The following CACNA1D variants were observed in gnomAD, a reference collection of about 807,000 sequenced individuals.
The protein encoded by CACNA1D is calcium voltage-gated channel subunit alpha1 D.
In CACNA1D, 55 loss-of-function variants were observed where a neutral mutation model predicts 257.1. The ratio of observed to expected loss-of-function variants is 0.21; its 90% CI spans 0.17 to 0.27. The LOEUF (loss-of-function observed/expected upper bound fraction) is 0.27, where lower values mean the gene tolerates loss of function less well. Ranked by LOEUF, CACNA1D falls within the 10% of genes least tolerant of loss-of-function variation. CACNA1D has a pLI of 1.00. For missense variants in CACNA1D, 1,876 were observed against 2,784.0 expected (o/e 0.67, Z 7.34); for synonymous variants, 980 against 1,014.9 (o/e 0.97, Z 0.65).
At chr3:53,601,971 A>G (rs1318570939) in intron 3 of CACNA1D, among the ~76,000 whole-genome samples, 2 of 152,136 alleles carry the variant, frequency 1.3e-5, no homozygotes, top group East Asian at 3.9e-4. Context: ...TCAGCCTCCC[A>G]AAGTGCTGGG....
At chr3:53,644,308 TA>T (rs2093996197) in intron 3 of CACNA1D, among the ~76,000 whole-genome samples, 1 of 152,246 alleles carries the variant, frequency 6.6e-6, no homozygotes, top group Non-Finnish European at 1.5e-5. Context: ...CTCACATGCT[TA>T]TTTTTTTGTG....
intron 40 of CACNA1D, among the ~76,000 whole-genome samples, chr3:53,787,459 A>ATG (rs57163025): frequency 2.5e-5 from 2 of 79,548 alleles, no homozygotes; most frequent in Admixed American, 1.4e-4. Context: ...GTGTGTATGT[A>ATG]TGTATGTGTG....
intron 9 of CACNA1D, among the ~76,000 whole-genome samples, chr3:53,713,456 G>A (rs1017737984): frequency 2.0e-5 from 3 of 151,742 alleles, no homozygotes; most frequent in Non-Finnish European, 4.4e-5. Context: ...ATAATTTTGA[G>A]GCTGCCTGCT....
chr3:53,520,299 A>G (rs893299191), intron 3 of CACNA1D, among the ~76,000 whole-genome samples: 1 of 152,140 alleles, frequency 6.6e-6, no homozygotes, highest in Non-Finnish European at 1.5e-5. Flanking sequence ...CTTTGCTAAC[A>G]CTTGTTATTG....
chr3:53,663,192 C>T (rs969706608), intron 5 of CACNA1D, among the ~76,000 whole-genome samples: 20 of 152,176 alleles, frequency 1.3e-4, no homozygotes, highest in African/African-American at 4.3e-4. Context: ...CTGCTTATCA[C>T]GGTAAAGATT....
intron 3 of CACNA1D, among the ~76,000 whole-genome samples, chr3:53,606,335 C>T (rs1032766426): frequency 1.3e-5 from 2 of 152,226 alleles, no homozygotes; most frequent in African/African-American, 2.4e-5. Context: ...GAGGCCATGT[C>T]AGTTACGATT....
At chr3:53,532,002 T>C (rs1046297095) in intron 3 of CACNA1D, among the ~76,000 whole-genome samples, 1 of 152,178 alleles carries the variant, frequency 6.6e-6, no homozygotes, top group Non-Finnish European at 1.5e-5. Flanking sequence ...TTGCATATCA[T>C]AGATACTCAG....
At chr3:53,664,223 C>T (rs901061701) in intron 5 of CACNA1D, among the ~76,000 whole-genome samples, 1 of 152,178 alleles carries the variant, frequency 6.6e-6, no homozygotes, top group Non-Finnish European at 1.5e-5. Flanking sequence ...TCCTGGAGAA[C>T]CTCCCTTTGG....
rs1559523454 is a variant in CACNA1D at position 53,691,906 on chromosome 3, T to TATAATATATATTATATATATTACA, written c.1221-10735_1221-10734insATAATATATATTATATATATTACA. ...ATATATATTATATATATTACATATA[T>TATAATATATATTATATATATTACA]TATATATAATATATATTATATATAT... is the stretch of plus-strand genomic sequence containing the variant. On this transcript the variant is annotated intron_variant, in intron 8 of 47. Coordinates refer to ENST00000350061, the MANE Select transcript of CACNA1D (RefSeq NM_001128840.3). 1.9e-3 allele frequency among the ~76,000 whole-genome samples: 99 copies of TATAATATATATTATATATATTACA among 52,380 alleles called. 1 individual carries two copies. Among genetic ancestry groups the TATAATATATATTATATATATTACA allele is most frequent in the East Asian group, 0.013 (11 of 876 alleles). 34.4% of individuals were successfully genotyped at this position (52,380 alleles called of 152,430 possible).
intron 3 of CACNA1D, among the ~76,000 whole-genome samples, chr3:53,528,068 T>C (rs1327291915): frequency 6.6e-6 from 1 of 152,218 alleles, no homozygotes; most frequent in Non-Finnish European, 1.5e-5. Context: ...GATTTTTCTT[T>C]TATGGTTAAT....
At chr3:53,631,023 G>A (rs1032463270) in intron 3 of CACNA1D, among the ~76,000 whole-genome samples, 1 of 152,204 alleles carries the variant, frequency 6.6e-6, no homozygotes, top group Admixed American at 6.5e-5. Flanking sequence ...TCTTTTTGGT[G>A]GTGAGGGGCT....
intron 8 of CACNA1D, among the ~76,000 whole-genome samples, chr3:53,700,438 T>TC (rs2094612390): frequency 6.6e-6 from 1 of 152,206 alleles, no homozygotes; most frequent in Non-Finnish European, 1.5e-5. Context: ...CAAGCCCTCT[T>TC]ACTGTTGCTC....
chr3:53,561,074 A>G (rs2092729713), intron 3 of CACNA1D, among the ~76,000 whole-genome samples: 1 of 152,156 alleles, frequency 6.6e-6, no homozygotes, highest in South Asian at 2.1e-4. Flanking sequence ...TTGTAAGGTA[A>G]ATGCTTTCAT....
chr3:53,798,394 T>C (rs1357657410), intron 40 of CACNA1D, among the ~76,000 whole-genome samples: 1 of 152,184 alleles, frequency 6.6e-6, no homozygotes, highest in African/African-American at 2.4e-5. Context: ...CATGTGCATA[T>C]GTGTACACAC....
intron 4 of CACNA1D, among the ~76,000 whole-genome samples, chr3:53,655,795 G>A (rs1242551679): frequency 6.6e-6 from 1 of 152,134 alleles, no homozygotes; most frequent in Non-Finnish European, 1.5e-5. Context: ...AGGCCCATAT[G>A]TCAGGTTTTG....
At chr3:53,785,909 C>T (rs1274720578) in intron 39 of CACNA1D, 1 of 152,352 alleles carries the variant, frequency 6.6e-6, no homozygotes, top group Non-Finnish European at 1.5e-5. Context: ...GGTCAGTGGC[C>T]CCCAGGGCCC....
At chr3:53,809,208 A>AT (rs370571766) in intron 46 of CACNA1D, 1 of 194,768 alleles carries the variant, frequency 5.1e-6, no homozygotes, top group African/African-American at 2.3e-5. Context: ...TGTGGGTACT[A>AT]TGCAGGGTTA....
At chr3:53,784,176 C>T (rs2095440916) in intron 39 of CACNA1D, among the ~76,000 whole-genome samples, 1 of 152,228 alleles carries the variant, frequency 6.6e-6, no homozygotes, top group African/African-American at 2.4e-5. Context: ...GCTGAGCCGC[C>T]TCATCTCTGC....
At chr3:53,770,645 G>C (rs750931008) in intron 32 of CACNA1D, 93 bp downstream of exon 32, 258 of 1,197,992 alleles carry the variant, frequency 2.2e-4, no homozygotes, top group Non-Finnish European at 2.8e-4. Context: ...GGCTCCCCCT[G>C]TGTGGCCACT....
Sources: gnomAD v4.1 joint callset for allele counts (sites outside exome capture counted in the v4.1 genomes callset) on GRCh38, gnomAD v4.1.1 for gene constraint, MANE v1.5 for transcripts, NCBI Gene and HGNC (gene_info 2026-07-23, HGNC 2026-07-21) for gene names.